TBC1D4: variants seen among roughly 807,000 people sequenced by gnomAD.
TBC1D4 encodes the protein TBC (Tre-2, BUB2, CDC16) domain-containing protein.
TBC1D4 carries 121 observed loss-of-function variants against 142.5 expected under a neutral mutation model. The ratio of observed to expected loss-of-function variants is 0.85; its 90% CI spans 0.73 to 0.99. The LOEUF (loss-of-function observed/expected upper bound fraction) is 0.99, where lower values mean the gene tolerates loss of function less well. Ranked by LOEUF, TBC1D4 falls within the 50% of genes least tolerant of loss-of-function variation. The probability of loss-of-function intolerance (pLI) is 0.00; values close to 1 mark genes in which losing one functional copy is unlikely to be tolerated. For synonymous variants in TBC1D4, 630 were observed against 628.2 expected, an observed-to-expected ratio of 1.00 and a Z score of -0.04; for missense variants, 1,475 against 1,606.6, an observed-to-expected ratio of 0.92 and a Z score of 1.40.
chr13:75,375,584 A>G (rs938606754), intron 1 of TBC1D4: 3 of 152,124 alleles, frequency 2.0e-5, no homozygotes, highest in African/African-American at 7.2e-5. Flanking sequence ...GGCTGTTTTC[A>G]TCATGGTACT....
At chr13:75,341,328 T>G in intron 6 of TBC1D4, 93 bp from the exon 7 acceptor site, 1 of 1,383,258 alleles carries the variant, frequency 7.2e-7, no homozygotes, top group Non-Finnish European at 1.0e-6. Context: ...AGCTAAGAGT[T>G]TTAACTTCGC....
chr13:75,388,009 G>GC (rs763807934), intron 1 of TBC1D4, among the ~76,000 whole-genome samples: 29 of 152,136 alleles, frequency 1.9e-4, no homozygotes, highest in Non-Finnish European at 2.5e-4. Context: ...CTTCTTTCAG[G>GC]CTGTCACCTG....
intron 1 of TBC1D4, among the ~76,000 whole-genome samples, chr13:75,444,659 C>T (rs114069901): frequency 0.013 from 2,035 of 152,218 alleles, 50 homozygotes; most frequent in African/African-American, 0.043. Context: ...TGTAAGCCAC[C>T]TTAACACTTA....
intron 1 of TBC1D4, among the ~76,000 whole-genome samples, chr13:75,407,546 A>G (rs559439297): frequency 6.6e-6 from 1 of 152,236 alleles, no homozygotes; most frequent in South Asian, 2.1e-4. Flanking sequence ...GAATCCAAAA[A>G]TAAAAGTGGC....
chr13:75,303,121 C>T (rs553988477), intron 15 of TBC1D4, among the ~76,000 whole-genome samples: 11 of 152,150 alleles, frequency 7.2e-5, no homozygotes, highest in South Asian at 4.2e-4. Context: ...TGTTCATTAC[C>T]GGCCTGGCCA....
At chr13:75,379,885 CTCTTTTTTTTTTTTTTTTTTTT>C (rs1883723721) in intron 1 of TBC1D4, among the ~76,000 whole-genome samples, 2 of 98,536 alleles carry the variant, frequency 2.0e-5, no homozygotes, top group Non-Finnish European at 2.0e-5. Flanking sequence ...GTTCATCTGA[CTCTTTTTTTTTTTTTTTTTTTT>C]TTTTTTTTTT....
At chr13:75,339,532 G>C (rs1880500382) in intron 7 of TBC1D4, among the ~76,000 whole-genome samples, 1 of 151,216 alleles carries the variant, frequency 6.6e-6, no homozygotes, top group Admixed American at 6.6e-5. Context: ...CCTAATTCCA[G>C]TGCCTGCATG....
At chr13:75,346,653 GTA>G (rs1199101583) in intron 5 of TBC1D4, among the ~76,000 whole-genome samples, 1 of 152,016 alleles carries the variant, frequency 6.6e-6, no homozygotes, top group Non-Finnish European at 1.5e-5. Context: ...AATCCTTTGC[GTA>G]TATACCCAGT....
At position 75,481,732 on chromosome 13, in the gene TBC1D4, G is replaced by C. The variant is rs1426831656; in HGVS notation, c.36C>G (p.Phe12Leu). The C allele has an allele frequency of 6.3e-7, 1 of 1,595,196 alleles. No homozygotes were observed. Among genetic ancestry groups the C allele is most frequent in the African/African-American group, 1.4e-5 (1 of 73,382 alleles). Reference sequence around the variant, plus strand: ...CCGGCTCGGGCTCCAGGGGGTGCGGGAACGGCTCATCCTGAATGCAGCTGG... The same window carrying C: ...CCGGCTCGGGCTCCAGGGGGTGCGGCAACGGCTCATCCTGAATGCAGCTGG... ...EPPSCIQDEP[F>L]PHPLEPEPGV... The change falls in exon 1 of 21, where the codon TTC (phenylalanine) becomes TTG (leucine). Residue 12 changes from phenylalanine to leucine, a missense_variant. Around this residue, in one of 2 missense-constraint regions of TBC1D4, gnomAD observed 1,227 missense variants for 1,267.7 expected, o/e 0.97. Transcript: ENST00000377636.
chr13:75,296,503 G>A (rs1223624378), intron 17 of TBC1D4, among the ~76,000 whole-genome samples: 2 of 152,216 alleles, frequency 1.3e-5, no homozygotes, highest in Non-Finnish European at 2.9e-5. Context: ...TCAAATGGGA[G>A]TTAAGAGAGT....
chr13:75,442,419 A>T (rs1887081095), intron 1 of TBC1D4, among the ~76,000 whole-genome samples: 1 of 152,214 alleles, frequency 6.6e-6, no homozygotes, highest in South Asian at 2.1e-4. Context: ...CAATGCTATG[A>T]ATATCCCAAA....
At chr13:75,374,660 T>C (rs1463042847) in intron 1 of TBC1D4, among the ~76,000 whole-genome samples, 1 of 152,166 alleles carries the variant, frequency 6.6e-6, no homozygotes, top group Non-Finnish European at 1.5e-5. Flanking sequence ...GGGCCTGAAA[T>C]AATTTTCATC....
chr13:75,295,888 T>A (rs1875865531), intron 17 of TBC1D4, among the ~76,000 whole-genome samples: 1 of 152,184 alleles, frequency 6.6e-6, no homozygotes. Flanking sequence ...ATAAAATGTT[T>A]TATTAAATCT....
At chr13:75,374,019 C>T (rs7998651) in intron 1 of TBC1D4, among the ~76,000 whole-genome samples, 43,879 of 152,022 alleles carry the variant, frequency 0.29, 7,466 homozygotes, top group African/African-American at 0.47. Context: ...GCTTCATCTA[C>T]GCACCTCACA....
chr13:75,311,036 C>T (rs1275216766), intron 13 of TBC1D4, among the ~76,000 whole-genome samples: 1 of 152,178 alleles, frequency 6.6e-6, no homozygotes, highest in East Asian at 1.9e-4. Context: ...TAACAGGTGA[C>T]TCATTCTCTC....
At chr13:75,424,382 T>C (rs71433185) in intron 1 of TBC1D4, among the ~76,000 whole-genome samples, 6 of 152,106 alleles carry the variant, frequency 3.9e-5, no homozygotes, top group Admixed American at 3.9e-4. Flanking sequence ...ATTAATATTG[T>C]ATTTTTTGAT....
At chr13:75,475,387 A>T (rs1313117277) in intron 1 of TBC1D4, among the ~76,000 whole-genome samples, 5 of 152,250 alleles carry the variant, frequency 3.3e-5, no homozygotes, top group Admixed American at 3.3e-4. Flanking sequence ...CTTGGTTCAG[A>T]CATGCCAATG....
At chr13:75,441,342 A>G (rs758917829) in intron 1 of TBC1D4, among the ~76,000 whole-genome samples, 4 of 152,244 alleles carry the variant, frequency 2.6e-5, no homozygotes, top group Non-Finnish European at 5.9e-5. Flanking sequence ...AACATGTAAA[A>G]TGTTTACAAT....
rs140752082 is a variant in TBC1D4 at position 75,480,180 on chromosome 13, A to G, written c.498+1090T>C. Among the ~76,000 whole-genome samples the G allele has an allele frequency of 1.9e-3, 286 of 152,390 alleles. 2 individuals are homozygous for G. Among genetic ancestry groups the G allele is most frequent in the African/African-American group, 6.5e-3 (269 of 41,600 alleles). The stretch of plus-strand genomic sequence containing the variant: ...GAAGAATTGTGAAATAAAAAAAATT[A>G]AAGCCATATTTATAGGATGTTTTTC... On this transcript the variant is annotated intron_variant, in intron 1 of 20. Coordinates refer to ENST00000377636, the MANE Select transcript of TBC1D4 (RefSeq NM_014832.5).
Sources: allele counts gnomAD v4.1 joint callset (sites outside exome capture counted in the v4.1 genomes callset), GRCh38; gene constraint gnomAD v4.1.1; regional missense constraint gnomAD v4.1.1; transcripts MANE v1.5; gene names NCBI Gene and HGNC (gene_info 2026-07-23, HGNC 2026-07-21).